COLEC12: variants seen among roughly 807,000 people sequenced by gnomAD.
COLEC12 encodes the protein collectin subfamily member 12.
COLEC12 carries 33 observed loss-of-function variants against 71.1 expected under a neutral mutation model. The ratio of observed to expected loss-of-function variants is 0.46; its 90% CI spans 0.35 to 0.62. COLEC12 has a LOEUF of 0.62. COLEC12 is among the 20% of genes least tolerant of loss of function. The pLI, the probability that COLEC12 is intolerant of heterozygous loss-of-function variation, is 0.00. For missense variants in COLEC12, 765 were observed against 916.1 expected (o/e 0.84, Z 2.13); for synonymous variants, 350 against 353.0 (o/e 0.99, Z 0.10).
chr18:459,902 A>G (rs930204698), intron 2 of COLEC12, among the ~76,000 whole-genome samples: 5 of 152,206 alleles, frequency 3.3e-5, no homozygotes, highest in Non-Finnish European at 7.3e-5. Flanking sequence ...TCTCTTAATT[A>G]TCTTGTTTTC....
intron 2 of COLEC12, chr18:424,211 T>TC (rs1370626479): frequency 6.6e-6 from 1 of 152,232 alleles, no homozygotes; most frequent in Non-Finnish European, 1.5e-5. Context: ...GCCTGGTGAC[T>TC]CCCCCAACCT....
Position 439,077 on chromosome 18 carries a change from TAGA to T in COLEC12, c.58+41627_58+41629del, listed in dbSNP as rs572312894. On this transcript the variant is annotated intron_variant, in intron 2 of 9. Coordinates refer to ENST00000400256, the MANE Select transcript of COLEC12 (RefSeq NM_130386.3). The stretch of plus-strand genomic sequence containing the variant: ...TTCTCTCTCTGCCTTCCTCTAAAAG[TAGA>T]AGAAGATGAGGCAAGATCTTCCCAG... Among the ~76,000 whole-genome samples the T allele has an allele frequency of 1.1e-4, 16 of 152,282 alleles. No individual in the cohort carries two copies. The South Asian group carries it at 2.3e-3, about 22-fold the overall frequency.
At chr18:447,297 G>A (rs1033124530) in intron 2 of COLEC12, among the ~76,000 whole-genome samples, 8 of 152,184 alleles carry the variant, frequency 5.3e-5, no homozygotes, top group African/African-American at 1.4e-4. Context: ...GCACCTTCCC[G>A]CATGGGAAGA....
intron 2 of COLEC12, among the ~76,000 whole-genome samples, chr18:367,819 G>A (rs777648479): frequency 7.2e-5 from 11 of 152,184 alleles, no homozygotes; most frequent in South Asian, 2.1e-4. Context: ...GCCTGGTGTC[G>A]TGGCCCATGC....
chr18:462,168 C>T (rs1231589613), intron 2 of COLEC12, among the ~76,000 whole-genome samples: 3 of 152,120 alleles, frequency 2.0e-5, no homozygotes, highest in African/African-American at 4.8e-5. Flanking sequence ...TTATCATGTG[C>T]CTCAGCAATT....
chr18:400,266 G>A (rs1466985304), intron 2 of COLEC12, among the ~76,000 whole-genome samples: 1 of 152,144 alleles, frequency 6.6e-6, no homozygotes, highest in African/African-American at 2.4e-5. Flanking sequence ...TGCCAATTGT[G>A]TTCAACAGTT....
chr18:488,570 T>C (rs1330866516), intron 1 of COLEC12, among the ~76,000 whole-genome samples: 2 of 151,776 alleles, frequency 1.3e-5, no homozygotes, highest in Non-Finnish European at 2.9e-5. Context: ...AGAAAATCAA[T>C]TTAGAGGCTA....
chr18:352,100 T>G (rs1312896059), intron 3 of COLEC12, among the ~76,000 whole-genome samples: 6 of 152,224 alleles, frequency 3.9e-5, no homozygotes, highest in Non-Finnish European at 8.8e-5. Flanking sequence ...TTTTTAAAAT[T>G]ACTACATAGA....
intron 2 of COLEC12, among the ~76,000 whole-genome samples, chr18:363,526 G>A (rs1206659637): frequency 2.0e-5 from 3 of 152,042 alleles, no homozygotes; most frequent in Non-Finnish European, 4.4e-5. Context: ...CTTTTCATGT[G>A]GTTTTTTTAC....
intron 2 of COLEC12, among the ~76,000 whole-genome samples, chr18:438,734 T>G (rs1321623699): frequency 6.7e-6 from 1 of 149,336 alleles, no homozygotes; most frequent in Non-Finnish European, 1.5e-5. Context: ...TCACTTGAGG[T>G]CAAGGCTACA....
chr18:339,615 C>A (rs562562324), intron 5 of COLEC12, among the ~76,000 whole-genome samples: 1 of 152,294 alleles, frequency 6.6e-6, no homozygotes, highest in African/African-American at 2.4e-5. Context: ...GCTTAATATT[C>A]CTGGCTGTGG....
At chr18:489,663 GA>G (rs1458479196) in intron 1 of COLEC12, among the ~76,000 whole-genome samples, 6 of 152,182 alleles carry the variant, frequency 3.9e-5, no homozygotes, top group Middle Eastern at 3.4e-3. Flanking sequence ...TCGTGGGGGG[GA>G]AACAAAAAGC....
At chr18:491,591 A>C (rs544555230) in intron 1 of COLEC12, among the ~76,000 whole-genome samples, 96 of 152,366 alleles carry the variant, frequency 6.3e-4, no homozygotes, top group Middle Eastern at 3.4e-3. Context: ...ACTATGCCTT[A>C]AGGTCCAAAA....
intron 5 of COLEC12, among the ~76,000 whole-genome samples, chr18:340,080 A>AAAAAAAC (rs1555613036): frequency 6.6e-6 from 1 of 151,228 alleles, no homozygotes; most frequent in Non-Finnish European, 1.5e-5. Context: ...AAAGCAAAAA[A>AAAAAAAC]AAAAAAAAAA....
chr18:396,202 T>G (rs888011283), intron 2 of COLEC12, among the ~76,000 whole-genome samples: 1 of 152,032 alleles, frequency 6.6e-6, no homozygotes, highest in African/African-American at 2.4e-5. Context: ...TTTGGGAGAG[T>G]GGCAGCAGGT....
chr18:376,352 C>T (rs374394417), intron 2 of COLEC12, among the ~76,000 whole-genome samples: 26 of 152,216 alleles, frequency 1.7e-4, no homozygotes, highest in African/African-American at 6.0e-4. Flanking sequence ...TTTTCATGAC[C>T]CCAGAAAATC....
At chr18:372,540 C>T (rs1284571145) in intron 2 of COLEC12, among the ~76,000 whole-genome samples, 1 of 152,130 alleles carries the variant, frequency 6.6e-6, no homozygotes, top group Non-Finnish European at 1.5e-5. Context: ...ACCGTAGCCT[C>T]CTCAGTAGCT....
At position 480,105 on chromosome 18, in the gene COLEC12, T is replaced by G. The variant is rs1368157699; in HGVS notation, c.58+602A>C. ...CTCTTACAAGGACGCTTGTGATGGC[T>G]TTCAGGGCCCACCCAGGTAACCCAG... On this transcript the variant is annotated intron_variant, in intron 2 of 9. Transcript: ENST00000400256. The surrounding 1 kb of genome is among the most constrained non-coding windows in gnomAD (Gnocchi z 4.1). 6.6e-6 allele frequency among the ~76,000 whole-genome samples: 1 copy of G among 152,222 alleles called. No homozygotes were observed. The highest frequency in any genetic ancestry group is 1.5e-5 in the Non-Finnish European group (1 of 68,030).
chr18:401,904 A>T (rs760418583), intron 2 of COLEC12, among the ~76,000 whole-genome samples: 1 of 152,150 alleles, frequency 6.6e-6, no homozygotes, highest in African/African-American at 2.4e-5. Flanking sequence ...TGAAAGGGAC[A>T]TAGGGCTTCT....
Sources: gnomAD v4.1 joint callset for allele counts (sites outside exome capture counted in the v4.1 genomes callset) on GRCh38, gnomAD v4.1.1 for gene constraint, Gnocchi (gnomAD v3.1) non-coding constraint, MANE v1.5 for transcripts, NCBI Gene and HGNC (gene_info 2026-07-23, HGNC 2026-07-21) for gene names.